The following IFI16 variants were observed in gnomAD, a reference collection of about 807,000 sequenced individuals.
IFI16 encodes gamma-interferon-inducible protein 16.
In IFI16, 49 loss-of-function variants were observed where a neutral mutation model predicts 68.4. The observed-to-expected ratio is 0.72, with a 90% CI of 0.57 to 0.91. The LOEUF (loss-of-function observed/expected upper bound fraction) is 0.91. Among genes scored for constraint, IFI16 ranks in the 40% least tolerant of loss-of-function variants. The pLI, the probability that IFI16 is intolerant of heterozygous loss-of-function variation, is 0.00. For missense variants in IFI16, 878 were observed against 942.9 expected (o/e 0.93, Z 0.90); for synonymous variants, 307 against 315.0 (o/e 0.97, Z 0.27).
chr1:159,004,579 C>T (rs1053293199), upstream of IFI16, among the ~76,000 whole-genome samples: 2 of 151,996 alleles, frequency 1.3e-5, no homozygotes, highest in Non-Finnish European at 2.9e-5. Context: ...ATGGTGCATG[C>T]GTGTAATTCT....
upstream of IFI16, among the ~76,000 whole-genome samples, chr1:159,004,923 T>C (rs991226646): frequency 2.0e-5 from 3 of 152,216 alleles, no homozygotes; most frequent in African/African-American, 7.2e-5. Flanking sequence ...AGAATGAAGA[T>C]AGCAGAGATA....
chr1:159,021,836 A>AT (rs1336450312), intron 6 of IFI16, among the ~76,000 whole-genome samples: 2 of 149,322 alleles, frequency 1.3e-5, no homozygotes, highest in African/African-American at 5.0e-5. Context: ...TTTGATTTGC[A>AT]TTTCCCTGAT....
chr1:159,040,153 C>A (rs1340257809), intron 7 of IFI16, among the ~76,000 whole-genome samples: 1 of 152,136 alleles, frequency 6.6e-6, no homozygotes, highest in Non-Finnish European at 1.5e-5. Flanking sequence ...AATTAGGGAA[C>A]ATGATGTTGA....
upstream of IFI16, among the ~76,000 whole-genome samples, chr1:159,009,407 T>C (rs1430956324): frequency 9.2e-5 from 14 of 152,206 alleles, no homozygotes; most frequent in Admixed American, 7.9e-4. Flanking sequence ...ATAGCAGACA[T>C]TTCCCCAACC....
At chr1:159,015,748 C>T in intron 2 of IFI16, 124 bp from the exon 3 acceptor site, 1 of 690,330 alleles carries the variant, frequency 1.4e-6, no homozygotes, top group Non-Finnish European at 2.5e-6. Flanking sequence ...TAGACTAAAG[C>T]ACAGCTGAAC....
At chr1:159,000,854 T>C (rs1307979071) in intron 1 of IFI16, among the ~76,000 whole-genome samples, 1 of 152,156 alleles carries the variant, frequency 6.6e-6, no homozygotes, top group Non-Finnish European at 1.5e-5. Context: ...CATCCCCTGG[T>C]TGATGAGTGA....
intron 6 of IFI16, among the ~76,000 whole-genome samples, chr1:159,031,071 A>G (rs745584544): frequency 3.3e-5 from 5 of 152,082 alleles, no homozygotes; most frequent in Non-Finnish European, 7.4e-5. Flanking sequence ...CAAGGGAATT[A>G]TGGCTGCCTC....
chr1:159,046,155 A>G (rs1654971324), intron 8 of IFI16, among the ~76,000 whole-genome samples: 2 of 151,234 alleles, frequency 1.3e-5, no homozygotes, highest in Admixed American at 6.6e-5. Context: ...TATTTGGCTT[A>G]TGTTGTTTCT....
intron 1 of IFI16, among the ~76,000 whole-genome samples, chr1:159,014,079 G>A (rs192808626): frequency 3.3e-4 from 51 of 152,322 alleles, no homozygotes; most frequent in Non-Finnish European, 5.4e-4. Context: ...TTTCAGCAAA[G>A]TTATGGTTTT....
intron 6 of IFI16, 79 bp downstream of exon 6, chr1:159,020,608 G>T: frequency 9.3e-7 from 1 of 1,078,964 alleles, no homozygotes. Context: ...CAAGTTTGTA[G>T]GTTTTTTTTA....
rs1417183438 is a variant in IFI16 at position 159,011,141 on chromosome 1, G to A, written c.-21+980G>A. On this transcript the variant is annotated intron_variant, in intron 1 of 11. Transcript: ENST00000295809. ...TCATGCCTGTAATCCCAGTACTTTG[G>A]GGGAGACCAAGGCGAGCGGATCACT... Among the ~76,000 whole-genome samples the A allele has an allele frequency of 3.9e-5, 6 of 152,174 alleles. No homozygotes were observed. The South Asian group carries it at 1.0e-3, about 26-fold the overall frequency.
At chr1:159,047,282 G>T (rs1655052527) in intron 8 of IFI16, among the ~76,000 whole-genome samples, 1 of 150,518 alleles carries the variant, frequency 6.6e-6, no homozygotes, top group Non-Finnish European at 1.5e-5. Flanking sequence ...TTTTTTTTTA[G>T]TTATTAATTT....
Position 159,053,761 on chromosome 1 carries a change from C to T in IFI16, c.2277+37C>T, listed in dbSNP as rs776432770. The stretch of plus-strand genomic sequence containing the variant: ...ATAGGAACATCATTTTTCCAAGTGG[C>T]GAATCATTTTGTTTATACTTTAAGA... On this transcript the variant is annotated intron_variant, in intron 11 of 11. Coordinates refer to ENST00000295809, the MANE Select transcript of IFI16 (RefSeq NM_001376587.1). 1.8e-5 allele frequency: 28 copies of T among 1,514,694 alleles called. 1 individual carries two copies. The highest frequency in any genetic ancestry group is 1.8e-4 in the East Asian group (8 of 44,314). 93.8% of individuals were successfully genotyped at this position (1,514,694 alleles called of 1,614,324 possible).
Position 159,034,647 on chromosome 1 carries a change from G to A in IFI16, c.1329+1956G>A, listed in dbSNP as rs941225713. Among the ~76,000 whole-genome samples, 8 of 152,104 alleles carry A rather than the reference G, an allele frequency of 5.3e-5. No homozygotes were observed. The East Asian group carries it at 9.6e-4, about 18-fold the overall frequency. On this transcript the variant is annotated intron_variant, in intron 7 of 11. Transcript: ENST00000295809. ...TGAACCCAACTCTCCACAGGCCCCA[G>A]CCTAAATCCCTTCCTAGAGCAAGTC... is the stretch of plus-strand genomic sequence containing the variant.
intron 4 of IFI16, 108 bp downstream of exon 4, chr1:159,016,808 T>G: frequency 1.0e-6 from 1 of 968,584 alleles, no homozygotes; most frequent in South Asian, 1.6e-5. Context: ...GTTAATCCAA[T>G]GTACATATTG....
chr1:159,004,798 T>A (rs1167618479), upstream of IFI16, among the ~76,000 whole-genome samples: 4 of 152,282 alleles, frequency 2.6e-5, no homozygotes, highest in South Asian at 4.2e-4. Flanking sequence ...TCAAGGGAAA[T>A]TTTGACAGCC....
At chr1:159,051,566 C>T (rs1655357816) in intron 9 of IFI16, 113 bp from the exon 10 acceptor site, 27 of 751,912 alleles carry the variant, frequency 3.6e-5, no homozygotes, top group South Asian at 7.4e-5. Flanking sequence ...CCTACTTTAC[C>T]CAGTTAAGGT....
At chr1:159,024,514 C>CG (rs1653530030) in intron 6 of IFI16, among the ~76,000 whole-genome samples, 1 of 152,136 alleles carries the variant, frequency 6.6e-6, no homozygotes, top group Admixed American at 6.5e-5. Context: ...TTGTGGAAGT[C>CG]TAACTTTGCT....
At chr1:159,015,803 C>A in intron 2 of IFI16, 69 bp from the exon 3 acceptor site, 2 of 1,126,102 alleles carry the variant, frequency 1.8e-6, no homozygotes. Context: ...ACTGCTTCAG[C>A]TGTCGGAGAT....
Sources: allele counts gnomAD v4.1 joint callset (sites outside exome capture counted in the v4.1 genomes callset), GRCh38; gene constraint gnomAD v4.1.1; transcripts MANE v1.5; gene names NCBI Gene and HGNC (gene_info 2026-07-23, HGNC 2026-07-21).